TEP1: variants seen among roughly 807,000 people sequenced by gnomAD.
The protein encoded by TEP1 is telomerase protein component 1.
Under a neutral mutation model 306.3 loss-of-function variants are expected in TEP1, and 241 were observed. The ratio of observed to expected loss-of-function variants is 0.79; its 90% CI spans 0.71 to 0.88. The LOEUF is 0.88. Among genes scored for constraint, TEP1 ranks in the 40% least tolerant of loss-of-function variants. The pLI is 0.00. For synonymous variants in TEP1, 1,289 were observed against 1,305.5 expected, an observed-to-expected ratio of 0.99 and a Z score of 0.27; for missense variants, 3,051 against 3,276.1, an observed-to-expected ratio of 0.93 and a Z score of 1.68.
At chr14:20,400,044 T>C (rs570785981) in intron 9 of TEP1, among the ~76,000 whole-genome samples, 1 of 146,508 alleles carries the variant, frequency 6.8e-6, no homozygotes, top group Non-Finnish European at 1.5e-5. Context: ...TAATCCCAGC[T>C]ACTCGGGAGA....
chr14:20,405,613 G>T (rs1879117255), intron 3 of TEP1, 28 bp from the exon 4 acceptor site: 1 of 1,610,470 alleles, frequency 6.2e-7, no homozygotes. Flanking sequence ...GGGAAGAAAT[G>T]AGAAGAGAGG....
At chr14:20,404,890 TC>T in intron 4 of TEP1, 118 bp from the exon 5 acceptor site, 1 of 1,231,750 alleles carries the variant, frequency 8.1e-7, no homozygotes, top group Non-Finnish European at 1.1e-6. Flanking sequence ...CTCCACGTTG[TC>T]CACAAAATAC....
intron 12 of TEP1, among the ~76,000 whole-genome samples, chr14:20,392,091 T>C (rs1229070375): frequency 6.6e-6 from 1 of 152,212 alleles, no homozygotes; most frequent in Non-Finnish European, 1.5e-5. Context: ...AATTGTATTT[T>C]AAAAAACAAA....
intron 14 of TEP1, 61 bp downstream of exon 14, chr14:20,390,859 TGCCTTTACCAAATATCTG>T (rs1031057506): frequency 1.7e-4 from 274 of 1,611,216 alleles, no homozygotes; most frequent in Non-Finnish European, 2.2e-4. Flanking sequence ...GTATTGTCTG[TGCCTTTACCAAATATCTG>T]GGCTATTCCC....
In TEP1 at chr14:20,408,043, T is replaced by A; in HGVS notation, c.397A>T (p.Ile133Leu). 6.2e-7 allele frequency: 1 copy of A among 1,614,140 alleles called. No homozygotes were observed. Among genetic ancestry groups the A allele is most frequent in the African/African-American group, 1.3e-5 (1 of 75,040 alleles). ...SASPLFQSLQISHMTQADLYR... is the reference protein window; with the variant it reads ...SASPLFQSLQLSHMTQADLYR... ...AAATCAGCTTGCGTCATGTGAGATA[T>A]CTGTAGACTCTGGAACAAGGGGCTG... Residue 133 changes from isoleucine to leucine, a missense_variant, in exon 2 of 55, where the codon ATA becomes TTA. Ile to Leu is a conservative substitution (Grantham distance 5). Around this residue, in one of 3 missense-constraint regions of TEP1, gnomAD observed 1,507 missense variants for 1,550.5 expected, o/e 0.97. Coordinates refer to ENST00000262715, the MANE Select transcript of TEP1 (RefSeq NM_007110.5).
intron 25 of TEP1, 46 bp from the exon 26 acceptor site, chr14:20,383,690 G>C (rs777894748): frequency 5.0e-6 from 8 of 1,604,480 alleles, no homozygotes; most frequent in African/African-American, 2.7e-5. Flanking sequence ...GAAAAAAAAA[G>C]CAGGGGTGGT....
Position 20,378,780 on chromosome 14 carries a change from T to A in TEP1, c.5326A>T (p.Thr1776Ser). ...CLSPDCRLLA[T>S]VCLGGCLKLW... ...TTTAGGCATCCTCCCAAGCACACGGTGGCTAGCAGCCGGCAGTCTGGGCTC... is the reference window on the plus strand; with the variant it reads ...TTTAGGCATCCTCCCAAGCACACGGAGGCTAGCAGCCGGCAGTCTGGGCTC... Residue 1776 changes from threonine to serine, a missense_variant, in exon 37 of 55, where the codon ACC becomes TCC. By Grantham distance (58) the Thr-to-Ser change is moderately conservative (BLOSUM62 1). Coordinates refer to ENST00000262715, the MANE Select transcript of TEP1 (RefSeq NM_007110.5). 1.2e-6 allele frequency: 2 copies of A among 1,614,174 alleles called. No individual in the cohort carries two copies. The highest frequency in any genetic ancestry group is 8.5e-7 in the Non-Finnish European group (1 of 1,180,026).
intron 9 of TEP1, among the ~76,000 whole-genome samples, chr14:20,399,081 C>T (rs1293785758): frequency 1.3e-5 from 2 of 152,048 alleles, no homozygotes; most frequent in South Asian, 2.1e-4. Context: ...TGGTTAGAGA[C>T]GGGGTTTCAC....
chr14:20,402,701 G>A (rs532428895), intron 7 of TEP1, among the ~76,000 whole-genome samples: 9 of 152,184 alleles, frequency 5.9e-5, no homozygotes, highest in African/African-American at 1.2e-4. Context: ...GCCGGGTGAC[G>A]TGAATCCAGA....
intron 18 of TEP1, 120 bp from the exon 19 acceptor site, chr14:20,386,743 G>C: frequency 8.7e-7 from 1 of 1,153,538 alleles, no homozygotes; most frequent in Non-Finnish European, 1.1e-6. Flanking sequence ...CAGCAGATGG[G>C]TGCCCAGCAG....
At chr14:20,400,443 T>A (rs111569552) in intron 9 of TEP1, among the ~76,000 whole-genome samples, 6,625 of 103,310 alleles carry the variant, frequency 0.064, 158 homozygotes, top group South Asian at 0.11. Flanking sequence ...AGAAAAGTAA[T>A]AATTTTATAA....
intron 20 of TEP1, 91 bp downstream of exon 20, chr14:20,385,984 T>G: frequency 2.0e-6 from 3 of 1,481,814 alleles, no homozygotes; most frequent in Non-Finnish European, 2.7e-6. Context: ...CTGTTCATAG[T>G]TGCAGGGTTT....
chr14:20,370,158 C>T (rs944085043), intron 51 of TEP1, among the ~76,000 whole-genome samples: 1 of 152,244 alleles, frequency 6.6e-6, no homozygotes, highest in African/African-American at 2.4e-5. Flanking sequence ...AGGTGATCCA[C>T]TGGCCTTGGC....
Position 20,378,830 on chromosome 14 carries a change from T to C in TEP1, c.5276A>G (p.Gln1759Arg). Reference sequence around the variant, plus strand: ...CAGGCAGCAGCCAGTGATTTGGTACTGGTGAGCCTTAGTCTGCAGCACCCT... The same window carrying C: ...CAGGCAGCAGCCAGTGATTTGGTACCGGTGAGCCTTAGTCTGCAGCACCCT... ...GCRVLQTKAH[Q>R]YQITGCCLSP... is the part of the protein sequence containing the mutation. Residue 1759 changes from glutamine to arginine, a missense_variant, in exon 37 of 55, where the codon CAG becomes CGG. Physicochemically the swap from Gln to Arg is conservative, Grantham distance 43. This residue lies in a region of TEP1 where 1,540 missense variants were observed against 1,705.9 expected (regional missense o/e 0.90). Transcript: ENST00000262715. 1 of 1,614,216 alleles carries C rather than the reference T, an allele frequency of 6.2e-7. No individual in the cohort carries two copies. Among genetic ancestry groups the C allele is most frequent in the Non-Finnish European group, 8.5e-7 (1 of 1,180,026 alleles).
At position 20,369,698 on chromosome 14, in the gene TEP1, T is replaced by C. The variant is rs1166803221; in HGVS notation, c.7399A>G (p.Ile2467Val). ...CCAGATTCAGGTTTGGCTTGAGTTA[T>C]CGATATTAGGGTCCTACTAGGATTC... ...LENPSRTLIS[I>V]TQAKPESESS... is the part of the protein sequence containing the mutation. Residue 2467 changes from isoleucine to valine, a missense_variant, in exon 52 of 55, where the codon ATA (isoleucine) becomes GTA (valine). Around this residue, in one of 3 missense-constraint regions of TEP1, gnomAD observed 1,540 missense variants for 1,705.9 expected, o/e 0.90. Transcript: ENST00000262715. 2.5e-6 allele frequency: 4 copies of C among 1,614,076 alleles called. No individual in the cohort carries two copies. Among genetic ancestry groups the C allele is most frequent in the Non-Finnish European group, 3.4e-6 (4 of 1,180,042 alleles).
In TEP1 at chr14:20,381,326, A is replaced by C; in HGVS notation, c.4634T>G (p.Leu1545Arg). ...CTAGGAACTAACCAGGTGGTAAGGC[A>C]GGTCTCCCAGAGCCTCAGGAGGGCA... ...RSCPPEALGD[L>R]PYHLLQSGNR... Residue 1545 changes from leucine to arginine, a missense_variant, in exon 32 of 55, where the codon CTG (leucine) becomes CGG (arginine). Leu to Arg is a moderately radical substitution (Grantham distance 102). Transcript: ENST00000262715. The surrounding 1 kb of genome is among the most constrained non-coding windows in gnomAD (Gnocchi z 4.0). 1 of 1,614,222 alleles carries C rather than the reference A, an allele frequency of 6.2e-7. No homozygotes were observed. Among genetic ancestry groups the C allele is most frequent in the Non-Finnish European group, 8.5e-7 (1 of 1,180,020 alleles).
chr14:20,399,778 A>G (rs2139161615), intron 9 of TEP1, among the ~76,000 whole-genome samples: 1 of 152,256 alleles, frequency 6.6e-6, no homozygotes, highest in African/African-American at 2.4e-5. Context: ...AGGATAAATG[A>G]CATTAAAAGA....
Position 20,389,235 on chromosome 14 carries a change from C to T in TEP1, c.2525+3G>A. On this transcript the variant is annotated splice_donor_region_variant and intron_variant, in intron 17 of 54. Transcript: ENST00000262715. The stretch of plus-strand genomic sequence containing the variant: ...AACCCTTCAGTATCCATTCTGTACT[C>T]ACTTCAGTATCGCATCAGTACAGCC... 1 of 1,613,800 alleles carries T rather than the reference C, an allele frequency of 6.2e-7. No homozygotes were observed. Among genetic ancestry groups the T allele is most frequent in the Non-Finnish European group, 8.5e-7 (1 of 1,179,752 alleles).
At position 20,377,765 on chromosome 14, in the gene TEP1, G is replaced by T. The variant is rs752191544; in HGVS notation, c.5722-12C>A. 6.2e-7 allele frequency: 1 copy of T among 1,612,666 alleles called. No individual in the cohort carries two copies. The highest frequency in any genetic ancestry group is 2.2e-5 in the East Asian group (1 of 44,856). ...GACCACACCTGAACCTGGGAACCAA[G>T]AAAAGGGCTTAAGGATACCACCTCC... On this transcript the variant is annotated splice_polypyrimidine_tract_variant and intron_variant, in intron 39 of 54. Coordinates refer to ENST00000262715, the MANE Select transcript of TEP1 (RefSeq NM_007110.5).
Sources: gnomAD v4.1 joint callset for allele counts (sites outside exome capture counted in the v4.1 genomes callset) on GRCh38, gnomAD v4.1.1 for gene constraint, gnomAD v4.1.1 regional missense constraint, Gnocchi (gnomAD v3.1) non-coding constraint, MANE v1.5 for transcripts, NCBI Gene and HGNC (gene_info 2026-07-23, HGNC 2026-07-21) for gene names.